The following PROS1 variants were observed in gnomAD, a reference collection of about 807,000 sequenced individuals.
The protein encoded by PROS1 is vitamin K-dependent protein S.
In PROS1, 29 loss-of-function variants were observed where a neutral mutation model predicts 75.9. The observed-to-expected ratio is 0.38, with a 90% CI of 0.28 to 0.52. The LOEUF (loss-of-function observed/expected upper bound fraction) is 0.52. Among genes scored for constraint, PROS1 ranks in the 20% least tolerant of loss-of-function variants. PROS1 has a pLI of 0.83. For synonymous variants in PROS1, 245 were observed against 280.6 expected, an observed-to-expected ratio of 0.87 and a Z score of 1.27; for missense variants, 680 against 810.3, an observed-to-expected ratio of 0.84 and a Z score of 1.95.
Position 93,927,324 on chromosome 3 carries a change from G to T in PROS1, c.160C>A (p.Leu54Ile). ...SLLEETKQGN[L>I]ERECIEELCN... ...AGTTCTTCGATGCATTCTCTTTCAA[G>T]ATTACCCTGTTTGGTTTCTTCAAGT... The change falls in exon 2 of 15, where the codon CTT becomes ATT. Residue 54 changes from leucine to isoleucine, a missense_variant. Transcript: ENST00000394236. The T allele has an allele frequency of 6.2e-7, 1 of 1,613,804 alleles. No homozygotes were observed. Among genetic ancestry groups the T allele is most frequent in the Non-Finnish European group, 8.5e-7 (1 of 1,180,006 alleles).
intron 3 of PROS1, among the ~76,000 whole-genome samples, chr3:93,919,406 G>T (rs1708910135): frequency 7.7e-6 from 1 of 129,694 alleles, no homozygotes; most frequent in Non-Finnish European, 1.7e-5. Flanking sequence ...TTTCTTCTTT[G>T]AAAATTTTCC....
intron 1 of PROS1, among the ~76,000 whole-genome samples, chr3:93,953,236 A>G (rs1709536012): frequency 6.6e-6 from 1 of 152,226 alleles, no homozygotes; most frequent in Non-Finnish European, 1.5e-5. Flanking sequence ...TGAGGCCAGC[A>G]TCATCCTGAT....
intron 1 of PROS1, among the ~76,000 whole-genome samples, chr3:93,962,445 A>T (rs1488932334): frequency 6.6e-6 from 1 of 152,166 alleles, no homozygotes; most frequent in Admixed American, 6.5e-5. Flanking sequence ...CCCTTAAGGA[A>T]GTATCCTTCT....
chr3:93,892,580 C>T (rs375638587), intron 10 of PROS1, among the ~76,000 whole-genome samples: 11 of 148,640 alleles, frequency 7.4e-5, no homozygotes, highest in Non-Finnish European at 1.0e-4. Context: ...GCTGAGATCA[C>T]GCCACTGCAC....
intron 6 of PROS1, among the ~76,000 whole-genome samples, chr3:93,905,169 T>C (rs1005369179): frequency 3.9e-5 from 6 of 152,226 alleles, no homozygotes; most frequent in African/African-American, 1.4e-4. Flanking sequence ...GAAAACAGGA[T>C]AAACAATGAT....
intron 12 of PROS1, among the ~76,000 whole-genome samples, chr3:93,881,875 G>A (rs1708280114): frequency 6.6e-6 from 1 of 151,838 alleles, no homozygotes; most frequent in Admixed American, 6.6e-5. Context: ...CCCTTTTTAG[G>A]TTACAAATAA....
At chr3:93,879,138 T>C in intron 13 of PROS1, 25 bp downstream of exon 13, 1 of 1,604,728 alleles carries the variant, frequency 6.2e-7, no homozygotes, top group Non-Finnish European at 8.5e-7. Flanking sequence ...AAAACAAGGC[T>C]TATATAGGTT....
chr3:93,973,655 G>A lies in PROS1; in HGVS notation c.76+19C>T, dbSNP rs375697737. 97 of 1,612,158 alleles carry A rather than the reference G, an allele frequency of 6.0e-5. No individual in the cohort carries two copies. The African/African-American group carries it at 1.3e-3, about 21-fold the overall frequency. On this transcript the variant is annotated intron_variant, in intron 1 of 14. Transcript: ENST00000394236. ...CGACAATGCTGGGGAAGGGAGAAGAGACGCTATTGATTACTCACAGTTTGC... is the reference window on the plus strand; with the variant it reads ...CGACAATGCTGGGGAAGGGAGAAGAAACGCTATTGATTACTCACAGTTTGC...
chr3:93,945,190 G>A (rs915968471), intron 1 of PROS1, among the ~76,000 whole-genome samples: 21 of 152,108 alleles, frequency 1.4e-4, no homozygotes, highest in African/African-American at 5.1e-4. Context: ...AAAAAGTCCA[G>A]GACCAGACGG....
chr3:93,876,357 G>A (rs1708186711), intron 14 of PROS1, among the ~76,000 whole-genome samples: 2 of 152,096 alleles, frequency 1.3e-5, no homozygotes, highest in South Asian at 4.1e-4. Context: ...GGGAGGCCGA[G>A]GCGAGCGGAT....
intron 6 of PROS1, among the ~76,000 whole-genome samples, chr3:93,902,827 G>T (rs1195824569): frequency 6.6e-6 from 1 of 152,076 alleles, no homozygotes; most frequent in Non-Finnish European, 1.5e-5. Flanking sequence ...CTGGCAACTG[G>T]ATCCCAACCA....
At chr3:93,950,393 G>A (rs760555083) in intron 1 of PROS1, among the ~76,000 whole-genome samples, 6 of 152,168 alleles carry the variant, frequency 3.9e-5, no homozygotes, top group Non-Finnish European at 2.9e-5. Flanking sequence ...CCTCAAGTGG[G>A]TCCCTGACCC....
intron 1 of PROS1, among the ~76,000 whole-genome samples, chr3:93,958,304 C>T (rs1328739737): frequency 6.6e-6 from 1 of 151,950 alleles, no homozygotes; most frequent in Non-Finnish European, 1.5e-5. Context: ...TAGATTAATG[C>T]AATGTTAATC....
intron 12 of PROS1, among the ~76,000 whole-genome samples, chr3:93,880,684 A>T (rs1708263979): frequency 6.6e-6 from 1 of 152,208 alleles, no homozygotes; most frequent in Non-Finnish European, 1.5e-5. Context: ...AAATAAGTAA[A>T]TTTAACACAG....
intron 1 of PROS1, chr3:93,958,477 T>G (rs572345466): frequency 6.6e-6 from 1 of 152,364 alleles, no homozygotes; most frequent in South Asian, 2.1e-4. Context: ...TTGTGGATAG[T>G]CACTGTTGGT....
intron 1 of PROS1, among the ~76,000 whole-genome samples, chr3:93,962,954 G>A (rs919729300): frequency 1.3e-5 from 2 of 152,174 alleles, no homozygotes; most frequent in Non-Finnish European, 2.9e-5. Context: ...AAATATAGAT[G>A]GGAACCATAG....
At position 93,877,983 on chromosome 3, in the gene PROS1, CATTAAAAGAG is replaced by C. The variant is rs1379898922; in HGVS notation, c.1645-802_1645-793del. ...TTGTACATGTCCGTATCCTTAAACT[CATTAAAAGAG>C]ATTGTCAATAAAGAAAATGCTCCAA... On this transcript the variant is annotated intron_variant, in intron 13 of 14. Transcript: ENST00000394236. 8.5e-5 allele frequency among the ~76,000 whole-genome samples: 13 copies of C among 152,236 alleles called. No individual in the cohort carries two copies. The South Asian group carries it at 2.1e-3, about 24-fold the overall frequency.
At chr3:93,940,831 A>T (rs570111148) in intron 1 of PROS1, among the ~76,000 whole-genome samples, 2 of 151,858 alleles carry the variant, frequency 1.3e-5, no homozygotes, top group East Asian at 3.9e-4. Context: ...AAACTTATAA[A>T]CTCTCCTTAC....
At chr3:93,954,673 C>G (rs1445330551) in intron 1 of PROS1, among the ~76,000 whole-genome samples, 4 of 152,134 alleles carry the variant, frequency 2.6e-5, no homozygotes, top group Non-Finnish European at 5.9e-5. Context: ...TGGTCAAGGA[C>G]TTCATGACTA....
Sources: allele counts gnomAD v4.1 joint callset (sites outside exome capture counted in the v4.1 genomes callset), GRCh38; gene constraint gnomAD v4.1.1; transcripts MANE v1.5; gene names NCBI Gene and HGNC (gene_info 2026-07-23, HGNC 2026-07-21).